The following CTIF variants were observed in gnomAD, a reference collection of about 807,000 sequenced individuals.
CTIF encodes the protein CBP80/20-dependent translation initiation factor.
A neutral mutation model predicts 66.0 loss-of-function variants in CTIF; 21 were observed. That is an observed-to-expected ratio of 0.32 (90% CI 0.23 to 0.46). The LOEUF (loss-of-function observed/expected upper bound fraction) is 0.46. CTIF is among the 20% of genes least tolerant of loss of function. The pLI is 1.00. For synonymous variants in CTIF, 345 were observed against 326.4 expected, an observed-to-expected ratio of 1.06 and a Z score of -0.62; for missense variants, 739 against 812.7, an observed-to-expected ratio of 0.91 and a Z score of 1.10.
chr18:48,851,214 C>T (rs764949987), intron 10 of CTIF, among the ~76,000 whole-genome samples: 1 of 152,184 alleles, frequency 6.6e-6, no homozygotes. Flanking sequence ...AGCCTGCCTG[C>T]GGGGAGTTTG....
intron 7 of CTIF, among the ~76,000 whole-genome samples, chr18:48,723,595 G>T (rs1449475064): frequency 1.3e-5 from 2 of 152,314 alleles, no homozygotes; most frequent in East Asian, 3.9e-4. Context: ...GCAGCTCAGG[G>T]GGTGGGGAGG....
chr18:48,689,030 A>G (rs1404485475), intron 6 of CTIF, among the ~76,000 whole-genome samples: 1 of 152,206 alleles, frequency 6.6e-6, no homozygotes, highest in Admixed American at 6.5e-5. Flanking sequence ...GCCGGGGCAC[A>G]GAGAGGTGGG....
intron 10 of CTIF, among the ~76,000 whole-genome samples, chr18:48,846,871 A>G (rs1171509480): frequency 1.3e-5 from 2 of 152,094 alleles, no homozygotes; most frequent in Non-Finnish European, 2.9e-5. Flanking sequence ...GGATGGATGG[A>G]TGAGTAGGCA....
At chr18:48,816,371 C>G (rs2068363989) in intron 9 of CTIF, among the ~76,000 whole-genome samples, 1 of 152,184 alleles carries the variant, frequency 6.6e-6, no homozygotes, top group African/African-American at 2.4e-5. Flanking sequence ...TCTTATCTTT[C>G]AGCTCTCAGA....
intron 7 of CTIF, among the ~76,000 whole-genome samples, chr18:48,743,799 T>G (rs2092573603): frequency 6.6e-6 from 1 of 152,158 alleles, no homozygotes; most frequent in Non-Finnish European, 1.5e-5. Context: ...TTTTAACACT[T>G]AAGAGTGTTT....
At chr18:48,548,550 G>A (rs534007054) in intron 1 of CTIF, among the ~76,000 whole-genome samples, 4 of 152,290 alleles carry the variant, frequency 2.6e-5, no homozygotes, top group Non-Finnish European at 4.4e-5. Flanking sequence ...CAGCAGATTG[G>A]GTAATAAAGA....
chr18:48,633,338 C>G (rs1412437021), intron 2 of CTIF, among the ~76,000 whole-genome samples: 1 of 152,188 alleles, frequency 6.6e-6, no homozygotes, highest in African/African-American at 2.4e-5. Context: ...ATTATAGTTA[C>G]AGTACTTTAA....
At chr18:48,652,995 A>G (rs1303920911) in intron 3 of CTIF, among the ~76,000 whole-genome samples, 1 of 152,206 alleles carries the variant, frequency 6.6e-6, no homozygotes, top group East Asian at 1.9e-4. Context: ...AATTAGAGCT[A>G]TCTATGACAA....
intron 10 of CTIF, among the ~76,000 whole-genome samples, chr18:48,853,770 C>T (rs1018841385): frequency 1.3e-5 from 2 of 152,226 alleles, no homozygotes; most frequent in Non-Finnish European, 2.9e-5. Context: ...AATGCTGTAG[C>T]TCCTGCTGCG....
At chr18:48,820,910 A>G (rs2068470095) in intron 10 of CTIF, among the ~76,000 whole-genome samples, 1 of 152,190 alleles carries the variant, frequency 6.6e-6, no homozygotes, top group Admixed American at 6.5e-5. Context: ...CTTCATTCTG[A>G]GGTCCAAGCT....
intron 10 of CTIF, among the ~76,000 whole-genome samples, chr18:48,828,213 C>T (rs1008522337): frequency 6.6e-6 from 1 of 152,106 alleles, no homozygotes; most frequent in African/African-American, 2.4e-5. Flanking sequence ...AAGCCAGAAC[C>T]GTTTTTAAAC....
At chr18:48,812,379 CA>C (rs2068276254) in intron 9 of CTIF, among the ~76,000 whole-genome samples, 1 of 152,134 alleles carries the variant, frequency 6.6e-6, no homozygotes, top group Non-Finnish European at 1.5e-5. Context: ...CACTCATAGG[CA>C]GGTTTGTTCT....
chr18:48,830,100 G>A (rs1270840905), intron 10 of CTIF, among the ~76,000 whole-genome samples: 3 of 152,174 alleles, frequency 2.0e-5, no homozygotes, highest in South Asian at 4.1e-4. Flanking sequence ...GGTGGGTTTC[G>A]GAGGCAGACA....
rs1454806704 is a variant in CTIF at position 48,859,846 on chromosome 18, C to T, written c.*287C>T. 2 of 601,426 alleles carry T rather than the reference C, an allele frequency of 3.3e-6. No individual in the cohort carries two copies. The highest frequency in any genetic ancestry group is 3.6e-5 in the African/African-American group (2 of 54,942). The allele number at this position is 601,426 out of a possible 1,614,324, so 37.3% of individuals were successfully genotyped here. A position where few individuals can be genotyped will look rare whatever the true frequency, so the allele number is the denominator to read the frequency against. On this transcript the variant is annotated 3_prime_UTR_variant, in exon 12 of 12. Transcript: ENST00000256413. ...CTCCCCTTCCTCACTCCCGCCTCTC[C>T]CCTCCCCATCAGACCCATCCCCCAC...
At chr18:48,665,666 C>T (rs2091424897) in intron 5 of CTIF, among the ~76,000 whole-genome samples, 1 of 152,186 alleles carries the variant, frequency 6.6e-6, no homozygotes. Context: ...CCCTGGCAAC[C>T]ACCAATCTGC....
intron 1 of CTIF, among the ~76,000 whole-genome samples, chr18:48,606,831 T>C (rs1305191610): frequency 6.6e-6 from 1 of 152,202 alleles, no homozygotes; most frequent in African/African-American, 2.4e-5. Flanking sequence ...GTGTCCTCAG[T>C]TTCCTAATTT....
At chr18:48,768,745 GA>G (rs149617615) in intron 9 of CTIF, among the ~76,000 whole-genome samples, 71 of 148,940 alleles carry the variant, frequency 4.8e-4, no homozygotes, top group African/African-American at 1.5e-3. Flanking sequence ...CCCCATCTTT[GA>G]AAAAAAAAAT....
At position 48,746,339 on chromosome 18, in the gene CTIF, C is replaced by G. The variant is rs111481029; in HGVS notation, c.585-11580C>G. Among the ~76,000 whole-genome samples the G allele has an allele frequency of 4.1e-4, 62 of 152,148 alleles. 2 individuals are homozygous for G. The highest frequency in any genetic ancestry group is 1.4e-3 in the African/African-American group (58 of 41,532). On this transcript the variant is annotated intron_variant, in intron 7 of 11. Coordinates refer to ENST00000256413, the MANE Select transcript of CTIF (RefSeq NM_014772.3). Reference sequence around the variant, plus strand: ...ACACTTTCCCTCTTGAAAAGTGTCTCTCTTGTGCTGCCCTCCTCTGAGATG... The same window carrying G: ...ACACTTTCCCTCTTGAAAAGTGTCTGTCTTGTGCTGCCCTCCTCTGAGATG...
chr18:48,568,641 A>AAAAAAAAAAAAAAAC (rs2089336167), intron 1 of CTIF, among the ~76,000 whole-genome samples: 1 of 80,040 alleles, frequency 1.2e-5, no homozygotes, highest in Non-Finnish European at 2.3e-5. Context: ...TGTAAAAAAA[A>AAAAAAAAAAAAAAAC]AAAAAAAAAA....
Sources: allele counts gnomAD v4.1 joint callset (sites outside exome capture counted in the v4.1 genomes callset), GRCh38; gene constraint gnomAD v4.1.1; transcripts MANE v1.5; gene names NCBI Gene and HGNC (gene_info 2026-07-23, HGNC 2026-07-21).